Variants in GRK1 observed in about 807,000 individuals in gnomAD.
GRK1 encodes the protein G protein-coupled receptor kinase 1.
A neutral mutation model predicts 41.7 loss-of-function variants in GRK1; 28 were observed. The ratio of observed to expected loss-of-function variants is 0.67; its 90% CI spans 0.50 to 0.92. The LOEUF (loss-of-function observed/expected upper bound fraction) is 0.92. Among genes scored for constraint, GRK1 ranks in the 40% least tolerant of loss-of-function variants. GRK1 has a pLI of 0.00. For synonymous variants in GRK1, 327 were observed against 286.7 expected (o/e 1.14, Z -1.42); for missense variants, 703 against 671.2 (o/e 1.05, Z -0.52).
chr13:113,723,539 A>T (rs547961444), intron 4 of GRK1, among the ~76,000 whole-genome samples: 26 of 152,172 alleles, frequency 1.7e-4, no homozygotes, highest in Admixed American at 1.0e-3. Context: ...CTTCCAGGTC[A>T]TAGGAAGATG....
intron 6 of GRK1, among the ~76,000 whole-genome samples, chr13:113,733,990 ATACATGTGTGTGCGTGTGCG>A (rs1213286250): frequency 2.2e-4 from 27 of 122,068 alleles, no homozygotes; most frequent in African/African-American, 9.3e-4. Flanking sequence ...ATGTGTGTGC[ATACATGTGTGTGCGTGTGCG>A]TGCATGTGTG....
chr13:113,668,178 C>A, intron 1 of GRK1, 93 bp downstream of exon 1: 1 of 1,346,176 alleles, frequency 7.4e-7, no homozygotes, highest in Non-Finnish European at 1.0e-6. Context: ...CTGTCGGCTC[C>A]GGGGCCCTTA....
the GRK1 span, among the ~76,000 whole-genome samples, chr13:113,660,355 C>T: frequency 6.6e-6 from 1 of 152,206 alleles, no homozygotes; most frequent in Admixed American, 6.5e-5. Context: ...CTGCTACCCA[C>T]CCACCCAACA....
intron 2 of GRK1, among the ~76,000 whole-genome samples, chr13:113,670,992 C>G (rs2049853286): frequency 6.6e-6 from 1 of 151,990 alleles, no homozygotes; most frequent in South Asian, 2.1e-4. Flanking sequence ...GGTGCCACCT[C>G]GTTTAAATTA....
chr13:113,671,630 C>A lies in GRK1; in HGVS notation c.959C>A (p.Pro320His), dbSNP rs766547270. The A allele has an allele frequency of 7.8e-6, 6 of 768,400 alleles. No homozygotes were observed. The highest frequency in any genetic ancestry group is 1.4e-5 in the Non-Finnish European group (6 of 417,320). 47.6% of individuals were successfully genotyped at this position (768,400 alleles called of 1,614,324 possible). Residue 320 changes from proline (P) to histidine (H), a missense_variant, in exon 3 of 7, where the codon CCC (proline) becomes CAC (histidine). Physicochemically the swap from Pro to His is moderately conservative, Grantham distance 77. Transcript: ENST00000335678. The surrounding 1 kb of genome is among the most constrained non-coding windows in gnomAD (Gnocchi z 4.1). The part of the protein sequence containing the change: ...QRRIVYRDLK[P>H]ENVLLDNDGN... ...CGGATCGTCTACCGCGACCTCAAGC[C>A]CGAGAACGTGCTGCTGGACAATGAC...
chr13:113,649,860 A>C, the GRK1 span, among the ~76,000 whole-genome samples: 1 of 152,150 alleles, frequency 6.6e-6, no homozygotes, highest in Non-Finnish European at 1.5e-5. This position sits in a 1 kb window ranked among gnomAD's most constrained non-coding sequence, Gnocchi z 4.7. Flanking sequence ...GTTTTAGAGG[A>C]TCTGGGAAGT....
At chr13:113,651,068 G>T in the GRK1 span, among the ~76,000 whole-genome samples, 3 of 152,040 alleles carry the variant, frequency 2.0e-5, no homozygotes, top group African/African-American at 7.2e-5. Flanking sequence ...GAGAGTGGAG[G>T]CTTCGAGGGA....
intron 6 of GRK1, 138 bp from the exon 7 acceptor site, chr13:113,734,930 C>G: frequency 1.2e-6 from 1 of 846,742 alleles, no homozygotes; most frequent in Non-Finnish European, 1.7e-6. Flanking sequence ...CTCTCTCAGC[C>G]TCCACGACAC....
chr13:113,731,115 C>G lies in GRK1; in HGVS notation c.1070-104C>G. On this transcript the variant is annotated intron_variant, in intron 4 of 6. Transcript: ENST00000335678. The surrounding 1 kb of genome is among the most constrained non-coding windows in gnomAD (Gnocchi z 5.6). ...GCCCCAAATGTGGAGAGTGCTGAGG[C>G]CCCGGGGGGGATGCATCCCCAGAGC... 6.9e-7 allele frequency: 1 copy of G among 1,451,648 alleles called. No homozygotes were observed. The highest frequency in any genetic ancestry group is 9.2e-7 in the Non-Finnish European group (1 of 1,091,726). 89.9% of individuals were successfully genotyped at this position (1,451,648 alleles called of 1,614,324 possible). A position where few individuals can be genotyped will look rare whatever the true frequency, so the allele number is the denominator to read the frequency against.
chr13:113,732,585 C>T (rs1699904376), intron 5 of GRK1, among the ~76,000 whole-genome samples: 2 of 152,228 alleles, frequency 1.3e-5, no homozygotes, highest in Non-Finnish European at 2.9e-5. Context: ...CAGCTGGGCC[C>T]GCGCTGGCCT....
intron 4 of GRK1, among the ~76,000 whole-genome samples, chr13:113,730,264 C>T (rs1235949231): frequency 2.8e-5 from 4 of 144,372 alleles, no homozygotes; most frequent in East Asian, 4.2e-4. Flanking sequence ...CCCCTCCATC[C>T]CGACACAGTC....
chr13:113,733,836 T>C (rs2049970054), intron 6 of GRK1, among the ~76,000 whole-genome samples: 1 of 131,798 alleles, frequency 7.6e-6, no homozygotes, highest in African/African-American at 3.4e-5. Context: ...TGTGTGCACG[T>C]GCGTGTGCAT....
chr13:113,729,421 C>T (rs1170631139), intron 4 of GRK1, among the ~76,000 whole-genome samples: 7 of 152,224 alleles, frequency 4.6e-5, no homozygotes, highest in Non-Finnish European at 8.8e-5. Flanking sequence ...CACATGTGAT[C>T]TGCTTTCCCT....
the GRK1 span, chr13:113,649,266 C>G: frequency 7.2e-7 from 1 of 1,387,874 alleles, no homozygotes; most frequent in Admixed American, 2.5e-5. The surrounding 1 kb of genome is among the most constrained non-coding windows in gnomAD (Gnocchi z 4.7). Flanking sequence ...TTGCTCCAAA[C>G]CACTTTGGGG....
chr13:113,671,469 G>C lies in GRK1; in HGVS notation c.828-30G>C, dbSNP rs750687048. On this transcript the variant is annotated intron_variant, in intron 2 of 6. Transcript: ENST00000335678. The surrounding 1 kb of genome is among the most constrained non-coding windows in gnomAD (Gnocchi z 4.1). ...TGATTTTACTCCCCATTAAACCCGG[G>C]GTGCATGGTTCCCACGTGTCTTCCC... 5.1e-6 allele frequency: 4 copies of C among 777,344 alleles called. No homozygotes were observed. The highest frequency in any genetic ancestry group is 5.1e-5 in the African/African-American group (3 of 59,112). The allele number at this position is 777,344 out of a possible 1,614,324, so 48.2% of individuals were successfully genotyped here.
intron 1 of GRK1, among the ~76,000 whole-genome samples, chr13:113,668,899 G>A (rs2049838172): frequency 6.6e-6 from 1 of 152,270 alleles, no homozygotes; most frequent in South Asian, 2.1e-4. Context: ...CCTCAGTGAA[G>A]GTGAAATACC....
At chr13:113,733,226 C>T (rs2049950586) in intron 6 of GRK1, 141 bp downstream of exon 6, 11 of 747,242 alleles carry the variant, frequency 1.5e-5, no homozygotes, top group Non-Finnish European at 1.7e-5. Flanking sequence ...CCCAGCAAGG[C>T]CCCCAGTCCT....
At position 113,671,185 on chromosome 13, in the gene GRK1, C is replaced by T. The variant is rs534650342; in HGVS notation, c.828-314C>T. ...GCGGAGCTGCATCCCACCTCGGCCT[C>T]GGCCTGGCCCCTTCCTGAGACGGTC... On this transcript the variant is annotated intron_variant, in intron 2 of 6. Transcript: ENST00000335678. The surrounding 1 kb of genome is among the most constrained non-coding windows in gnomAD (Gnocchi z 4.1). Among the ~76,000 whole-genome samples, 17 of 152,344 alleles carry T rather than the reference C, an allele frequency of 1.1e-4. No homozygotes were observed. Among genetic ancestry groups the T allele is most frequent in the South Asian group, 2.1e-4 (1 of 4,832 alleles).
At chr13:113,662,646 A>G (rs996924713), upstream of GRK1, among the ~76,000 whole-genome samples, 7 of 152,248 alleles carry the variant, frequency 4.6e-5, no homozygotes, top group African/African-American at 1.4e-4. Flanking sequence ...GTACATCTAT[A>G]TACTAGCAAT....
Sources: gnomAD v4.1 joint callset for allele counts (sites outside exome capture counted in the v4.1 genomes callset) on GRCh38, gnomAD v4.1.1 for gene constraint, Gnocchi (gnomAD v3.1) non-coding constraint, MANE v1.5 for transcripts, NCBI Gene and HGNC (gene_info 2026-07-23, HGNC 2026-07-21) for gene names.